The following SDK1 variants were observed in gnomAD, a reference collection of about 807,000 sequenced individuals.
The protein encoded by SDK1 is sidekick cell adhesion molecule 1, also known as protein sidekick-1.
A neutral mutation model predicts 245.5 loss-of-function variants in SDK1; 157 were observed. The ratio of observed to expected loss-of-function variants is 0.64; its 90% CI spans 0.56 to 0.73. SDK1 has a LOEUF of 0.73. Ranked by LOEUF, SDK1 falls within the 30% of genes least tolerant of loss-of-function variation. The probability of loss-of-function intolerance (pLI) is 0.00; values close to 1 mark genes in which losing one functional copy is unlikely to be tolerated. For missense variants in SDK1, 3,583 were observed against 3,002.3 expected, an observed-to-expected ratio of 1.19 and a Z score of -4.52; for synonymous variants, 1,647 against 1,278.5, an observed-to-expected ratio of 1.29 and a Z score of -6.15.
At chr7:4,244,202 T>C (rs1224157929) in intron 43 of SDK1, among the ~76,000 whole-genome samples, 1 of 152,154 alleles carries the variant, frequency 6.6e-6, no homozygotes, top group Non-Finnish European at 1.5e-5. Flanking sequence ...TAGCCTCTCC[T>C]TGATCACCCA....
intron 1 of SDK1, among the ~76,000 whole-genome samples, chr7:3,429,792 A>G (rs1034695006): frequency 1.3e-5 from 2 of 150,166 alleles, no homozygotes; most frequent in Non-Finnish European, 3.0e-5. Context: ...AGGTCTCACT[A>G]TGTTGCCCAG....
intron 1 of SDK1, among the ~76,000 whole-genome samples, chr7:3,579,931 A>C (rs1252081295): frequency 6.6e-6 from 1 of 152,222 alleles, no homozygotes; most frequent in African/African-American, 2.4e-5. Flanking sequence ...GCTGATAAAC[A>C]ATTTCAGCAA....
intron 4 of SDK1, among the ~76,000 whole-genome samples, chr7:3,732,696 C>A (rs1323943784): frequency 6.6e-6 from 1 of 152,182 alleles, no homozygotes; most frequent in South Asian, 2.1e-4. Flanking sequence ...AATGTCTAGC[C>A]ACACATTTAA....
At chr7:3,866,883 G>A (rs967188381) in intron 5 of SDK1, among the ~76,000 whole-genome samples, 2 of 152,158 alleles carry the variant, frequency 1.3e-5, no homozygotes, top group Non-Finnish European at 2.9e-5. Context: ...ATTAGCCATG[G>A]GAGCTGGACT....
At chr7:3,344,283 TTAAG>T (rs1320459830) in intron 1 of SDK1, among the ~76,000 whole-genome samples, 3 of 152,336 alleles carry the variant, frequency 2.0e-5, no homozygotes, top group Non-Finnish European at 2.9e-5. Flanking sequence ...ATCTGAATCA[TTAAG>T]TATACAGTTC....
At chr7:3,997,956 C>T (rs1029008674) in intron 14 of SDK1, among the ~76,000 whole-genome samples, 7 of 152,354 alleles carry the variant, frequency 4.6e-5, no homozygotes, top group East Asian at 1.9e-4. Flanking sequence ...TCCAAGCCTG[C>T]GAGGGCAGGG....
At chr7:3,550,903 T>A (rs1779381896) in intron 1 of SDK1, among the ~76,000 whole-genome samples, 1 of 152,216 alleles carries the variant, frequency 6.6e-6, no homozygotes, top group South Asian at 2.1e-4. Flanking sequence ...CTAGTTGAAA[T>A]TAGTGTATTA....
chr7:4,011,528 T>C (rs1050828710), intron 15 of SDK1, among the ~76,000 whole-genome samples: 1 of 152,160 alleles, frequency 6.6e-6, no homozygotes, highest in African/African-American at 2.4e-5. Context: ...TGCAGAGGCG[T>C]CGCATTCCTG....
At chr7:3,660,187 C>G (rs532800708) in intron 4 of SDK1, among the ~76,000 whole-genome samples, 2 of 151,974 alleles carry the variant, frequency 1.3e-5, no homozygotes, top group South Asian at 4.2e-4. Context: ...AGAAGAGAAG[C>G]AACTGCTGAG....
At chr7:4,019,630 T>A (rs1396176467) in intron 17 of SDK1, among the ~76,000 whole-genome samples, 2 of 152,112 alleles carry the variant, frequency 1.3e-5, no homozygotes, top group African/African-American at 4.8e-5. Flanking sequence ...ATGCTCTTCA[T>A]GAGTGAACGT....
chr7:3,301,740 C>T lies in SDK1; in HGVS notation c.154C>T (p.Arg52Trp). The stretch of plus-strand genomic sequence containing the variant: ...CCCCGGCCCGGAGCCCTCGCGACCC[C>T]GGGCGGCGCCCGAGACCTCCGGCGG... ...PRPGPEPSRP[R>W]AAPETSGGDT... Residue 52 changes from arginine (R) to tryptophan (W), a missense_variant, in exon 1 of 45, where the codon CGG becomes TGG. Coordinates refer to ENST00000404826, the MANE Select transcript of SDK1 (RefSeq NM_152744.4). 3.1e-6 allele frequency: 3 copies of T among 979,626 alleles called. No homozygotes were observed. Among genetic ancestry groups the T allele is most frequent in the Non-Finnish European group, 3.6e-6 (3 of 827,832 alleles). 60.7% of individuals were successfully genotyped at this position (979,626 alleles called of 1,614,324 possible). A position where few individuals can be genotyped will look rare whatever the true frequency, so the allele number is the denominator to read the frequency against.
intron 22 of SDK1, among the ~76,000 whole-genome samples, chr7:4,106,791 C>A (rs1452001923): frequency 6.6e-6 from 1 of 152,096 alleles, no homozygotes; most frequent in African/African-American, 2.4e-5. Flanking sequence ...TTTCGTTCCT[C>A]TTGGTCGTGG....
At chr7:3,525,904 A>G (rs1196218680) in intron 1 of SDK1, among the ~76,000 whole-genome samples, 2 of 152,164 alleles carry the variant, frequency 1.3e-5, no homozygotes, top group Non-Finnish European at 1.5e-5. Context: ...TTGGATAGGA[A>G]TAGAGATTGA....
intron 4 of SDK1, among the ~76,000 whole-genome samples, chr7:3,644,637 GA>G (rs1477839967): frequency 6.6e-6 from 1 of 151,436 alleles, no homozygotes; most frequent in Non-Finnish European, 1.5e-5. Flanking sequence ...GTGGTGGCAC[GA>G]ACCTGTATTT....
intron 4 of SDK1, among the ~76,000 whole-genome samples, chr7:3,810,603 ATATT>A (rs1403304416): frequency 1.3e-5 from 2 of 152,238 alleles, no homozygotes; most frequent in Non-Finnish European, 2.9e-5. Context: ...AATAAAAAAT[ATATT>A]TATTCTGGGC....
intron 35 of SDK1, among the ~76,000 whole-genome samples, chr7:4,181,469 G>T (rs1216333014): frequency 6.6e-6 from 1 of 152,324 alleles, no homozygotes; most frequent in South Asian, 2.1e-4. Context: ...GGCAGTTGCA[G>T]AGGCTACAGG....
intron 1 of SDK1, among the ~76,000 whole-genome samples, chr7:3,371,566 A>G (rs548864527): frequency 3.3e-5 from 5 of 152,326 alleles, no homozygotes; most frequent in African/African-American, 9.6e-5. Context: ...AAATAAAAGA[A>G]TGCGAGGAAA....
intron 1 of SDK1, among the ~76,000 whole-genome samples, chr7:3,352,150 ATTT>A (rs1780676679): frequency 6.7e-6 from 1 of 148,824 alleles, no homozygotes; most frequent in Non-Finnish European, 1.5e-5. Context: ...ATAAATATAT[ATTT>A]ATAAAAGTTT....
chr7:3,975,422 ACTGGACC>A (rs1339481976), intron 13 of SDK1, among the ~76,000 whole-genome samples: 2 of 152,144 alleles, frequency 1.3e-5, no homozygotes, highest in East Asian at 3.9e-4. Context: ...ATTTTTCCTC[ACTGGACC>A]CTGCCCCCTT....
Sources: allele counts gnomAD v4.1 joint callset (sites outside exome capture counted in the v4.1 genomes callset), GRCh38; gene constraint gnomAD v4.1.1; transcripts MANE v1.5; gene names NCBI Gene and HGNC (gene_info 2026-07-23, HGNC 2026-07-21).